Variants in TTC28 observed in about 807,000 individuals in gnomAD.
TTC28 encodes the protein tetratricopeptide repeat domain 28, also known as tetratricopeptide repeat protein 28.
Under a neutral mutation model 198.0 loss-of-function variants are expected in TTC28, and 61 were observed. That is an observed-to-expected ratio of 0.31 (90% CI 0.25 to 0.38). The LOEUF (loss-of-function observed/expected upper bound fraction) is 0.38. Among genes scored for constraint, TTC28 ranks in the 10% least tolerant of loss-of-function variants. TTC28 has a pLI of 1.00. For missense variants in TTC28, 2,678 were observed against 3,164.0 expected (o/e 0.85, Z 3.69); for synonymous variants, 1,171 against 1,297.8 (o/e 0.90, Z 2.10).
In TTC28 at chr22:27,982,368, G is replaced by C. The variant is rs1412231060; in HGVS notation, c.7299C>G (p.His2433Gln). The change falls in exon 23 of 23, where the codon CAC (histidine) becomes CAG (glutamine). Residue 2433 changes from histidine to glutamine, a missense_variant. His to Gln is a conservative substitution (Grantham distance 24). Around this residue, in one of 8 missense-constraint regions of TTC28, gnomAD observed 622 missense variants for 656.0 expected, o/e 0.95. Coordinates refer to ENST00000397906, the MANE Select transcript of TTC28 (RefSeq NM_001145418.2). The surrounding 1 kb of genome is among the most constrained non-coding windows in gnomAD (Gnocchi z 5.2). Reference sequence around the variant, plus strand: ...CCAGCGAGGTGGTCTCGGTGCGCCAGTGTCCGTTGGGAGGGGCTTTCGGTG... The same window carrying C: ...CCAGCGAGGTGGTCTCGGTGCGCCACTGTCCGTTGGGAGGGGCTTTCGGTG... ...GAPPKAPPNG[H>Q]WRTETTSLGS... The C allele has an allele frequency of 6.5e-7, 1 of 1,549,886 alleles. No individual in the cohort carries two copies. Among genetic ancestry groups the C allele is most frequent in the Non-Finnish European group, 8.7e-7 (1 of 1,146,206 alleles).
At chr22:28,609,314 A>G (rs12169120) in intron 2 of TTC28, among the ~76,000 whole-genome samples, 1 of 152,178 alleles carries the variant, frequency 6.6e-6, no homozygotes, top group Non-Finnish European at 1.5e-5. Context: ...AGGAACAGCT[A>G]CGGTCTGCAG....
intron 2 of TTC28, among the ~76,000 whole-genome samples, chr22:28,445,428 G>T (rs1340883366): frequency 1.3e-5 from 2 of 152,270 alleles, no homozygotes; most frequent in East Asian, 3.9e-4. Flanking sequence ...ATCAAAAACT[G>T]GGATGGTCAA....
chr22:28,500,406 A>C (rs1172856503), intron 2 of TTC28, among the ~76,000 whole-genome samples: 1 of 152,192 alleles, frequency 6.6e-6, no homozygotes, highest in Admixed American at 6.5e-5. Context: ...CCTTATGTTC[A>C]TATGGCTTTA....
chr22:28,355,542 TG>T (rs1328217604), intron 2 of TTC28, among the ~76,000 whole-genome samples: 6 of 152,332 alleles, frequency 3.9e-5, no homozygotes, highest in African/African-American at 1.4e-4. Flanking sequence ...TCAACAAACT[TG>T]TGAGGTAGAG....
intron 2 of TTC28, among the ~76,000 whole-genome samples, chr22:28,431,006 C>T (rs5997365): frequency 0.04 from 6,017 of 152,074 alleles, 153 homozygotes; most frequent in African/African-American, 0.054. Context: ...TAAAATACTA[C>T]TCTACCGTGA....
chr22:28,197,109 A>G (rs989457032), intron 5 of TTC28, among the ~76,000 whole-genome samples: 2 of 152,060 alleles, frequency 1.3e-5, no homozygotes, highest in African/African-American at 4.8e-5. Flanking sequence ...TAATGAATTC[A>G]TGTCCTTTGT....
intron 15 of TTC28, chr22:28,000,735 G>C (rs1214091722): frequency 6.6e-6 from 1 of 152,394 alleles, no homozygotes; most frequent in African/African-American, 2.4e-5. Context: ...TTTCTAATCA[G>C]GTGGGCAGGG....
At chr22:28,409,502 C>A (rs142157094) in intron 2 of TTC28, among the ~76,000 whole-genome samples, 151 of 151,150 alleles carry the variant, frequency 1.0e-3, no homozygotes, top group African/African-American at 3.6e-3. Flanking sequence ...GCTCCTTGTA[C>A]CACTTTAAAA....
intron 5 of TTC28, among the ~76,000 whole-genome samples, chr22:28,165,072 G>GT (rs1921757802): frequency 6.6e-6 from 1 of 152,172 alleles, no homozygotes; most frequent in African/African-American, 2.4e-5. Context: ...GGAAGAAAGG[G>GT]TATCAGTGAT....
intron 1 of TTC28, among the ~76,000 whole-genome samples, chr22:28,655,381 T>C (rs2051628831): frequency 6.6e-6 from 1 of 152,226 alleles, no homozygotes; most frequent in Non-Finnish European, 1.5e-5. Flanking sequence ...TAGGAAACTG[T>C]ACTATTAAAT....
At chr22:28,004,746 G>C (rs1025304760) in intron 14 of TTC28, among the ~76,000 whole-genome samples, 1 of 152,228 alleles carries the variant, frequency 6.6e-6, no homozygotes, top group African/African-American at 2.4e-5. Context: ...TAATGCCCAG[G>C]AAACTTGTCA....
chr22:28,353,718 C>G (rs1259334298), intron 2 of TTC28, among the ~76,000 whole-genome samples: 2 of 152,078 alleles, frequency 1.3e-5, no homozygotes, highest in Non-Finnish European at 2.9e-5. Flanking sequence ...TCAAAGGGCA[C>G]TACAAAGAGA....
intron 12 of TTC28, among the ~76,000 whole-genome samples, chr22:28,066,324 C>A (rs117738422): frequency 7.0e-6 from 1 of 142,224 alleles, no homozygotes; most frequent in African/African-American, 2.8e-5. Context: ...TGTGTGTGTG[C>A]GCGCGCGCAT....
intron 2 of TTC28, among the ~76,000 whole-genome samples, chr22:28,473,744 CACTTTG>C (rs1201318064): frequency 6.6e-6 from 1 of 152,188 alleles, no homozygotes; most frequent in African/African-American, 2.4e-5. Context: ...GGCTAAGCCC[CACTTTG>C]GGGGCTCACC....
Position 28,521,250 on chromosome 22 carries a change from T to TA in TTC28, c.381+108301dup, listed in dbSNP as rs567053288. On this transcript the variant is annotated intron_variant, in intron 2 of 22. Transcript: ENST00000397906. ...CCTATCTCTACCAAAAAAAAAAAATTAAAAAAAATTAACTGGGCATGGTAG... is the reference window on the plus strand; with the variant it reads ...CCTATCTCTACCAAAAAAAAAAAATTAAAAAAAAATTAACTGGGCATGGTAG... Among the ~76,000 whole-genome samples, 37 of 149,580 alleles carry TA rather than the reference T, an allele frequency of 2.5e-4. No individual in the cohort carries two copies. The East Asian group carries it at 5.3e-3, about 22-fold the overall frequency.
intron 5 of TTC28, among the ~76,000 whole-genome samples, chr22:28,201,096 G>A (rs779875402): frequency 6.6e-5 from 10 of 152,102 alleles, no homozygotes; most frequent in Non-Finnish European, 1.0e-4. Flanking sequence ...TCACTTCAGA[G>A]GTTGGAAAAC....
chr22:28,263,521 C>T (rs1931471248), intron 5 of TTC28, among the ~76,000 whole-genome samples: 1 of 152,152 alleles, frequency 6.6e-6, no homozygotes, highest in South Asian at 2.1e-4. Context: ...AGACAATTTA[C>T]TACATACTGA....
intron 5 of TTC28, among the ~76,000 whole-genome samples, chr22:28,211,538 C>T (rs1286405499): frequency 6.6e-6 from 1 of 152,026 alleles, no homozygotes; most frequent in Non-Finnish European, 1.5e-5. Flanking sequence ...ACAAAGAAGG[C>T]CATTACATAT....
At chr22:28,550,662 AT>A (rs1400383793) in intron 2 of TTC28, among the ~76,000 whole-genome samples, 1 of 152,186 alleles carries the variant, frequency 6.6e-6, no homozygotes, top group Admixed American at 6.5e-5. Context: ...AGTACCATAA[AT>A]TCTATTTTAC....
Sources: allele counts gnomAD v4.1 joint callset (sites outside exome capture counted in the v4.1 genomes callset), GRCh38; gene constraint gnomAD v4.1.1; regional missense constraint gnomAD v4.1.1; non-coding constraint Gnocchi (gnomAD v3.1); transcripts MANE v1.5; gene names NCBI Gene and HGNC (gene_info 2026-07-23, HGNC 2026-07-21).